TMEM232: variants seen among roughly 807,000 people sequenced by gnomAD.
TMEM232 encodes the protein transmembrane protein 232.
In TMEM232, 80 loss-of-function variants were observed where a neutral mutation model predicts 78.8. The observed-to-expected ratio is 1.01, with a 90% CI of 0.85 to 1.22. The LOEUF (loss-of-function observed/expected upper bound fraction) is 1.22. Among genes scored for constraint, TMEM232 ranks in the 50% most tolerant of loss-of-function variants. The probability of loss-of-function intolerance (pLI) is 0.00; values close to 1 mark genes in which losing one functional copy is unlikely to be tolerated. For missense variants in TMEM232, 881 were observed against 742.2 expected (o/e 1.19, Z -2.17); for synonymous variants, 297 against 254.3 (o/e 1.17, Z -1.60).
In TMEM232 at chr5:110,618,542, G is replaced by T; in HGVS notation, c.789C>A (p.His263Gln). The change falls in exon 8 of 14, where the codon CAC (histidine) becomes CAA (glutamine). Residue 263 changes from histidine to glutamine, a missense_variant. Transcript: ENST00000455884. ...DSDMGGYEINHLLWHCVAAWS... is the reference protein window; with the variant it reads ...DSDMGGYEINQLLWHCVAAWS... ...AAGCAGCAACACAGTGCCAGAGCAG[G>T]TGGTTAATTTCATATCCTCCCTGAT... is the stretch of plus-strand genomic sequence containing the variant. 1 of 1,549,102 alleles carries T rather than the reference G, an allele frequency of 6.5e-7. No homozygotes were observed. Among genetic ancestry groups the T allele is most frequent in the Non-Finnish European group, 8.7e-7 (1 of 1,146,244 alleles).
At position 110,638,149 on chromosome 5, in the gene TMEM232, T is replaced by C. The variant is rs1478173216; in HGVS notation, c.501+49A>G. 5 of 1,374,414 alleles carry C rather than the reference T, an allele frequency of 3.6e-6. No individual in the cohort carries two copies. The African/African-American group carries it at 4.4e-5, about 12-fold the overall frequency. The allele number at this position is 1,374,414 out of a possible 1,614,324, so 85.1% of individuals were successfully genotyped here. On this transcript the variant is annotated intron_variant, in intron 5 of 13. Coordinates refer to ENST00000455884, the MANE Select transcript of TMEM232 (RefSeq NM_001039763.4). ...CTAAAACAGATGTCATGTTGTTACA[T>C]GTAGTATGTGAAATATTTAAAAACA...
chr5:110,463,542 C>T (rs1014782719), intron 12 of TMEM232, among the ~76,000 whole-genome samples: 7 of 152,138 alleles, frequency 4.6e-5, no homozygotes, highest in African/African-American at 1.7e-4. Context: ...ATATTCTAAA[C>T]TTTATATGCT....
chr5:110,732,939 T>C (rs1798817578), intron 2 of TMEM232, among the ~76,000 whole-genome samples: 1 of 152,208 alleles, frequency 6.6e-6, no homozygotes, highest in Admixed American at 6.5e-5. Flanking sequence ...AAAAGTCTAA[T>C]ATCCAGTATC....
At chr5:110,527,292 T>C (rs1770738593) in intron 12 of TMEM232, among the ~76,000 whole-genome samples, 1 of 151,880 alleles carries the variant, frequency 6.6e-6, no homozygotes, top group Non-Finnish European at 1.5e-5. Flanking sequence ...ACTGTGGCAA[T>C]AGTTATAAAG....
intron 5 of TMEM232, among the ~76,000 whole-genome samples, chr5:110,636,471 G>A (rs1190626051): frequency 6.6e-6 from 1 of 151,942 alleles, no homozygotes; most frequent in Admixed American, 6.6e-5. Flanking sequence ...TAAATATCCT[G>A]ACTTGTTCAT....
intron 10 of TMEM232, 97 bp downstream of exon 10, chr5:110,605,012 A>C (rs1307934846): frequency 7.7e-7 from 1 of 1,306,780 alleles, no homozygotes; most frequent in African/African-American, 1.5e-5. Flanking sequence ...ATTAGTTGCT[A>C]TTTCTAAATA....
chr5:110,557,933 T>TAAAG (rs1431831053), intron 11 of TMEM232, among the ~76,000 whole-genome samples: 2 of 152,212 alleles, frequency 1.3e-5, no homozygotes, highest in Non-Finnish European at 2.9e-5. Flanking sequence ...GATGTTTCTT[T>TAAAG]AATCTTTGAA....
At chr5:110,560,452 T>C (rs1178250756) in intron 11 of TMEM232, among the ~76,000 whole-genome samples, 2 of 152,162 alleles carry the variant, frequency 1.3e-5, no homozygotes, top group Non-Finnish European at 2.9e-5. Context: ...ATTAGGATAA[T>C]GTGAAAGGTT....
intron 11 of TMEM232, among the ~76,000 whole-genome samples, chr5:110,550,084 T>C (rs563112021): frequency 1.1e-4 from 16 of 152,160 alleles, no homozygotes; most frequent in African/African-American, 3.4e-4. Flanking sequence ...TTAAAGCAAA[T>C]AGAGCAATAT....
chr5:110,466,431 C>T (rs1443418997), intron 12 of TMEM232, among the ~76,000 whole-genome samples: 1 of 152,048 alleles, frequency 6.6e-6, no homozygotes, highest in Non-Finnish European at 1.5e-5. Flanking sequence ...TCTCCAGTAT[C>T]CACTTTTCTA....
At chr5:110,407,312 G>A (rs533473503) in intron 2 of TMEM232, among the ~76,000 whole-genome samples, 1 of 152,074 alleles carries the variant, frequency 6.6e-6, no homozygotes, top group South Asian at 2.1e-4. Context: ...CACATATGTA[G>A]ACTAAATGTG....
At chr5:110,496,253 C>A (rs1227652323) in intron 12 of TMEM232, among the ~76,000 whole-genome samples, 3 of 151,882 alleles carry the variant, frequency 2.0e-5, no homozygotes, top group Non-Finnish European at 4.4e-5. Flanking sequence ...TCTTTAATAA[C>A]TTAAAATGAT....
At chr5:110,396,756 C>T (rs1054848129) in intron 3 of TMEM232, among the ~76,000 whole-genome samples, 8 of 152,176 alleles carry the variant, frequency 5.3e-5, no homozygotes, top group Non-Finnish European at 1.0e-4. Context: ...TACCTCCTTA[C>T]TTACATTATT....
chr5:110,452,318 G>A (rs1235606330), intron 12 of TMEM232, among the ~76,000 whole-genome samples: 1 of 152,102 alleles, frequency 6.6e-6, no homozygotes, highest in African/African-American at 2.4e-5. Flanking sequence ...ATCCGTTTCA[G>A]TGTTTTAGTT....
intron 10 of TMEM232, among the ~76,000 whole-genome samples, chr5:110,603,738 TG>T (rs1781229014): frequency 6.6e-6 from 1 of 152,112 alleles, no homozygotes; most frequent in South Asian, 2.1e-4. Context: ...TGTTTAAAAT[TG>T]GCACCAATAA....
chr5:110,655,871 A>G (rs1788969106), intron 2 of TMEM232, among the ~76,000 whole-genome samples: 1 of 135,876 alleles, frequency 7.4e-6, no homozygotes, highest in African/African-American at 2.8e-5. Flanking sequence ...ACACATGGAC[A>G]CAGGAAGGGG....
At chr5:110,547,925 G>A (rs1773975985) in intron 11 of TMEM232, among the ~76,000 whole-genome samples, 2 of 150,052 alleles carry the variant, frequency 1.3e-5, no homozygotes, top group African/African-American at 2.5e-5. Flanking sequence ...TTGAACCCGG[G>A]AGGCGAAGGT....
intron 11 of TMEM232, among the ~76,000 whole-genome samples, chr5:110,548,458 A>T (rs2149603905): frequency 6.6e-6 from 1 of 151,256 alleles, no homozygotes; most frequent in Admixed American, 6.6e-5. Context: ...AAATTTTAAT[A>T]ATTCAAGAAT....
rs1169197147 is a variant in TMEM232, at chr5:110,606,235, T to G, written c.955A>C (p.Met319Leu). 1 of 1,543,922 alleles carries G rather than the reference T, an allele frequency of 6.5e-7. No individual in the cohort carries two copies. Among genetic ancestry groups the G allele is most frequent in the Admixed American group, 2.0e-5 (1 of 50,904 alleles). The stretch of plus-strand genomic sequence containing the variant: ...TCCATTAAAGCTTTCAAGCAGGCCA[T>G]GTTTAATTTGGCAGCCTCCCCAAGG... The part of the protein sequence containing the change: ...LVLGEAAKLN[M>L]ACLKALMDVV... The change falls in exon 9 of 14, where the codon ATG (methionine) becomes CTG (leucine). Residue 319 changes from methionine (M) to leucine (L), a missense_variant. Transcript: ENST00000455884.
Sources: allele counts gnomAD v4.1 joint callset (sites outside exome capture counted in the v4.1 genomes callset), GRCh38; gene constraint gnomAD v4.1.1; transcripts MANE v1.5; gene names NCBI Gene and HGNC (gene_info 2026-07-23, HGNC 2026-07-21).